Variants in PKHD1 observed in about 807,000 individuals in gnomAD.
PKHD1 encodes the protein fibrocystin.
A neutral mutation model predicts 412.0 loss-of-function variants in PKHD1; 291 were observed. The ratio of observed to expected loss-of-function variants is 0.71; its 90% CI spans 0.64 to 0.78. The LOEUF is 0.78. Ranked by LOEUF, PKHD1 falls within the 30% of genes least tolerant of loss-of-function variation. The pLI is 0.00. For synonymous variants in PKHD1, 1,777 were observed against 1,821.5 expected (o/e 0.98, Z 0.62); for missense variants, 4,825 against 4,950.7 (o/e 0.97, Z 0.76).
chr6:51,674,002 G>C (rs1203092269), intron 60 of PKHD1, among the ~76,000 whole-genome samples: 3 of 152,188 alleles, frequency 2.0e-5, no homozygotes, highest in Non-Finnish European at 4.4e-5. Context: ...GTGTATTCTA[G>C]AGATGGTAGA....
intron 19 of PKHD1, 103 bp downstream of exon 19, chr6:52,055,484 C>G: frequency 7.5e-7 from 1 of 1,331,824 alleles, no homozygotes; most frequent in South Asian, 1.2e-5. Flanking sequence ...TTGGGCAGAT[C>G]ACAGCAATCA....
At chr6:51,781,913 A>G (rs2151197697) in intron 53 of PKHD1, among the ~76,000 whole-genome samples, 1 of 152,062 alleles carries the variant, frequency 6.6e-6, no homozygotes, top group South Asian at 2.1e-4. Flanking sequence ...GGAACTTCAG[A>G]AAACACAAAG....
intron 66 of PKHD1, chr6:51,622,059 T>A (rs1443007061): frequency 6.6e-6 from 1 of 152,208 alleles, no homozygotes; most frequent in Admixed American, 6.5e-5. Context: ...GTGGATTTGA[T>A]CAAGTTTTAG....
At chr6:51,781,368 T>G (rs954932433) in intron 53 of PKHD1, among the ~76,000 whole-genome samples, 1 of 152,152 alleles carries the variant, frequency 6.6e-6, no homozygotes, top group African/African-American at 2.4e-5. Context: ...CAAATTATAA[T>G]GTCCAACCCC....
At chr6:51,998,749 C>T (rs571889703) in intron 35 of PKHD1, among the ~76,000 whole-genome samples, 1 of 151,912 alleles carries the variant, frequency 6.6e-6, no homozygotes, top group Non-Finnish European at 1.5e-5. Flanking sequence ...GGCTACTTTT[C>T]TCTTTTATCC....
chr6:51,739,657 C>A (rs944485810), intron 60 of PKHD1, among the ~76,000 whole-genome samples: 1 of 152,182 alleles, frequency 6.6e-6, no homozygotes, highest in Non-Finnish European at 1.5e-5. Context: ...AGTTTCCATG[C>A]TTAGAGACGC....
intron 61 of PKHD1, among the ~76,000 whole-genome samples, chr6:51,649,953 G>C (rs1455466536): frequency 6.6e-6 from 1 of 152,146 alleles, no homozygotes; most frequent in Non-Finnish European, 1.5e-5. Flanking sequence ...ATGATAAAGT[G>C]TTCATATATA....
At chr6:51,644,410 G>A (rs893167438) in intron 63 of PKHD1, among the ~76,000 whole-genome samples, 1 of 152,114 alleles carries the variant, frequency 6.6e-6, no homozygotes, top group Admixed American at 6.5e-5. Flanking sequence ...ATTAGAAGAC[G>A]AGGCACGTCT....
chr6:51,888,059 C>A (rs1778487699), intron 43 of PKHD1, among the ~76,000 whole-genome samples: 1 of 152,180 alleles, frequency 6.6e-6, no homozygotes. Context: ...ACAATGTGTT[C>A]TCTCTGGCTC....
Position 51,874,809 on chromosome 6 carries a change from C to T in PKHD1, c.7351-4170G>A, listed in dbSNP as rs1562513935. On this transcript the variant is annotated intron_variant, in intron 46 of 66. Coordinates refer to ENST00000371117, the MANE Select transcript of PKHD1 (RefSeq NM_138694.4). ...TCCGGTCTACAGCTCCCAGCGTGAG[C>T]GACGCAGAAGACGGGTGATTTCTGC... Among the ~76,000 whole-genome samples, 2 of 97,352 alleles carry T rather than the reference C, an allele frequency of 2.1e-5. 1 individual carries two copies. The highest frequency in any genetic ancestry group is 3.9e-5 in the Non-Finnish European group (2 of 51,010). The allele number at this position is 97,352 out of a possible 152,430, so 63.9% of individuals were successfully genotyped here.
At chr6:51,811,968 C>T (rs1377617761) in intron 52 of PKHD1, among the ~76,000 whole-genome samples, 9 of 152,034 alleles carry the variant, frequency 5.9e-5, no homozygotes, top group Non-Finnish European at 8.8e-5. Flanking sequence ...TTACAGAAGC[C>T]TAATACTAAT....
At chr6:51,873,665 G>A (rs1311988976) in intron 46 of PKHD1, among the ~76,000 whole-genome samples, 1 of 152,152 alleles carries the variant, frequency 6.6e-6, no homozygotes, top group Non-Finnish European at 1.5e-5. Flanking sequence ...AGAGGGTAAG[G>A]AAAGAAGCTA....
At chr6:51,736,526 G>C (rs148677575) in intron 60 of PKHD1, among the ~76,000 whole-genome samples, 1 of 152,112 alleles carries the variant, frequency 6.6e-6, no homozygotes, top group Non-Finnish European at 1.5e-5. Flanking sequence ...AGACTCCACT[G>C]TGCCTTTATA....
chr6:52,017,749 T>TA, intron 33 of PKHD1, 120 bp from the exon 34 acceptor site: 1 of 757,484 alleles, frequency 1.3e-6, no homozygotes, highest in East Asian at 2.6e-5. Flanking sequence ...GTTAGCAGTT[T>TA]ACTTTTTTTA....
intron 60 of PKHD1, among the ~76,000 whole-genome samples, chr6:51,661,345 T>C (rs1266698585): frequency 6.6e-6 from 1 of 151,588 alleles, no homozygotes; most frequent in African/African-American, 2.4e-5. Flanking sequence ...ATAATAGAAA[T>C]AGGGTATAAG....
At chr6:51,715,141 T>C (rs912892702) in intron 60 of PKHD1, among the ~76,000 whole-genome samples, 1 of 152,162 alleles carries the variant, frequency 6.6e-6, no homozygotes, top group African/African-American at 2.4e-5. Flanking sequence ...TTTATACTTG[T>C]GGTCTTTCCT....
chr6:51,722,081 C>A, intron 60 of PKHD1: 1 of 1,612,740 alleles, frequency 6.2e-7, no homozygotes, highest in Non-Finnish European at 8.5e-7. Context: ...ATGTCTCCAC[C>A]CTTCTTTTCT....
At chr6:52,033,944 C>G (rs1165513146) in intron 28 of PKHD1, among the ~76,000 whole-genome samples, 2 of 151,936 alleles carry the variant, frequency 1.3e-5, no homozygotes, top group African/African-American at 4.8e-5. Flanking sequence ...ACCTGACCAA[C>G]ATGGAGAAAC....
intron 53 of PKHD1, among the ~76,000 whole-genome samples, chr6:51,777,716 G>T (rs1791286654): frequency 7.6e-6 from 1 of 130,872 alleles, no homozygotes; most frequent in South Asian, 2.4e-4. Flanking sequence ...AAAAAAAAGT[G>T]GCCTAGCACT....
Sources: allele counts gnomAD v4.1 joint callset (sites outside exome capture counted in the v4.1 genomes callset), GRCh38; gene constraint gnomAD v4.1.1; transcripts MANE v1.5; gene names NCBI Gene and HGNC (gene_info 2026-07-23, HGNC 2026-07-21).